The following TCF4 variants were observed in gnomAD, a reference collection of about 807,000 sequenced individuals.
The protein encoded by TCF4 is transcription factor 4, also known as SL3-3 enhancer factor 2.
Under a neutral mutation model 82.1 loss-of-function variants are expected in TCF4, and 3 were observed. The ratio of observed to expected loss-of-function variants is 0.04; its 90% CI spans 0.02 to 0.09. TCF4 has a LOEUF of 0.09. TCF4 is among the 10% of genes least tolerant of loss of function. The pLI is 1.00. For synonymous variants in TCF4, 276 were observed against 309.6 expected (o/e 0.89, Z 1.14); for missense variants, 518 against 852.7 (o/e 0.61, Z 4.89).
intron 5 of TCF4, among the ~76,000 whole-genome samples, chr18:55,436,835 GCAACAA>G (rs879510235): frequency 6.6e-6 from 1 of 152,214 alleles, no homozygotes; most frequent in Non-Finnish European, 1.5e-5. Flanking sequence ...AGACTGAACA[GCAACAA>G]CAACAACAAC....
chr18:55,389,037 A>G (rs2092842753), intron 6 of TCF4, among the ~76,000 whole-genome samples: 1 of 151,938 alleles, frequency 6.6e-6, no homozygotes, highest in Non-Finnish European at 1.5e-5. Flanking sequence ...GAGGCAGAAG[A>G]ATGGCATGAA....
intron 8 of TCF4, among the ~76,000 whole-genome samples, chr18:55,329,761 T>C (rs542793228): frequency 6.6e-6 from 1 of 152,370 alleles, no homozygotes; most frequent in African/African-American, 2.4e-5. Context: ...GGCCAAATTA[T>C]GGTGCTTACC....
chr18:55,432,282 G>A (rs573820319), intron 5 of TCF4, among the ~76,000 whole-genome samples: 124 of 152,200 alleles, frequency 8.1e-4, no homozygotes, highest in African/African-American at 2.9e-3. Flanking sequence ...CAGCCTGGGC[G>A]ACAGAGTGAG....
chr18:55,415,706 G>T (rs1343774920), intron 5 of TCF4, among the ~76,000 whole-genome samples: 2 of 152,174 alleles, frequency 1.3e-5, no homozygotes, highest in African/African-American at 2.4e-5. Flanking sequence ...TCATTAAAAA[G>T]ATTTGTACAG....
chr18:55,552,608 C>T (rs142967466), intron 3 of TCF4, among the ~76,000 whole-genome samples: 89 of 152,278 alleles, frequency 5.8e-4, no homozygotes, highest in Non-Finnish European at 1.1e-3. Context: ...ACTGTGAAAA[C>T]GCTGCAGAAA....
chr18:55,463,391 AC>A (rs1253192500), intron 4 of TCF4, among the ~76,000 whole-genome samples: 1 of 152,130 alleles, frequency 6.6e-6, no homozygotes, highest in Non-Finnish European at 1.5e-5. Flanking sequence ...TTGCTTAACC[AC>A]CCACCCAACT....
At chr18:55,392,824 TC>T (rs1233636297) in intron 6 of TCF4, among the ~76,000 whole-genome samples, 1 of 152,240 alleles carries the variant, frequency 6.6e-6, no homozygotes, top group Non-Finnish European at 1.5e-5. Flanking sequence ...CATATATGTT[TC>T]CCATATAGTG....
intron 8 of TCF4, among the ~76,000 whole-genome samples, chr18:55,341,826 T>C (rs1341418154): frequency 6.6e-6 from 1 of 152,204 alleles, no homozygotes; most frequent in Non-Finnish European, 1.5e-5. Flanking sequence ...TGGGTTATTT[T>C]ATTTTTCAAA....
intron 3 of TCF4, among the ~76,000 whole-genome samples, chr18:55,573,990 AT>A (rs1313008221): frequency 6.6e-6 from 1 of 152,228 alleles, no homozygotes; most frequent in Admixed American, 6.5e-5. Context: ...GATAAAAAAG[AT>A]AAGCATGTAT....
chr18:55,597,523 T>C (rs1395537948), intron 2 of TCF4, among the ~76,000 whole-genome samples: 1 of 151,898 alleles, frequency 6.6e-6, no homozygotes, highest in Non-Finnish European at 1.5e-5. Context: ...ACAAATTAGC[T>C]GGGTGTGGTG....
chr18:55,321,310 C>G, intron 8 of TCF4: 1 of 269,168 alleles, frequency 3.7e-6, no homozygotes, highest in Non-Finnish European at 7.3e-6. Flanking sequence ...CTCATATCTG[C>G]TTTTCCTTTC....
intron 15 of TCF4, among the ~76,000 whole-genome samples, chr18:55,240,515 A>C (rs973638249): frequency 2.6e-5 from 4 of 152,262 alleles, no homozygotes; most frequent in Non-Finnish European, 4.4e-5. Context: ...AACACCATTT[A>C]GTACAAAAGT....
rs985961295 is a variant in TCF4 at position 55,224,553 on chromosome 18, A to C, written c.*3482T>G. The C allele has an allele frequency of 6.6e-6, 1 of 152,618 alleles. No individual in the cohort carries two copies. The allele number at this position is 152,618 out of a possible 1,614,324, so 9.5% of individuals were successfully genotyped here. A position where few individuals can be genotyped will look rare whatever the true frequency, so the allele number is the denominator to read the frequency against. On this transcript the variant is annotated 3_prime_UTR_variant, in exon 20 of 20. Coordinates refer to ENST00000354452, the MANE Select transcript of TCF4 (RefSeq NM_001083962.2). ...AGATCATATTCTGCCTGTTGGATGC[A>C]AAAGATGAAAATCCTCTTAACTCCA...
At chr18:55,587,906 C>A (rs1603624896) in intron 1 of TCF4, 132 bp downstream of exon 1, 1 of 781,130 alleles carries the variant, frequency 1.3e-6, no homozygotes. Flanking sequence ...GAAGGGGTGT[C>A]TCTTCTGGGA....
intron 15 of TCF4, among the ~76,000 whole-genome samples, chr18:55,240,567 T>C (rs2050897732): frequency 6.6e-6 from 1 of 152,210 alleles, no homozygotes; most frequent in African/African-American, 2.4e-5. Context: ...CAAACTTTTT[T>C]AATGGCTCAC....
intron 6 of TCF4, among the ~76,000 whole-genome samples, chr18:55,381,060 C>T (rs2091826418): frequency 6.6e-6 from 1 of 152,142 alleles, no homozygotes; most frequent in Non-Finnish European, 1.5e-5. Flanking sequence ...TTTTAAATCA[C>T]ATGTTAATTA....
chr18:55,279,459 A>G, intron 9 of TCF4, 92 bp downstream of exon 9: 1 of 1,580,398 alleles, frequency 6.3e-7, no homozygotes, highest in Non-Finnish European at 8.6e-7. Context: ...ACACTTGCCT[A>G]CTATTCCATT....
At position 55,223,937 on chromosome 18, in the gene TCF4, A is replaced by G. The variant is rs2046246561; in HGVS notation, c.*4098T>C. Reference sequence around the variant, plus strand: ...ACAAACTTTTACTCATAATGATTCCAAAAATCTACAAAGAAGAAATATTCA... The same window carrying G: ...ACAAACTTTTACTCATAATGATTCCGAAAATCTACAAAGAAGAAATATTCA... On this transcript the variant is annotated 3_prime_UTR_variant, in exon 20 of 20. Coordinates refer to ENST00000354452, the MANE Select transcript of TCF4 (RefSeq NM_001083962.2). 6.6e-6 allele frequency: 1 copy of G among 152,206 alleles called. No homozygotes were observed. Among genetic ancestry groups the G allele is most frequent in the African/African-American group, 2.4e-5 (1 of 41,442 alleles). The allele number at this position is 152,206 out of a possible 1,614,324, so 9.4% of individuals were successfully genotyped here. A position where few individuals can be genotyped will look rare whatever the true frequency, so the allele number is the denominator to read the frequency against.
At position 55,410,986 on chromosome 18, in the gene TCF4, G is replaced by A. The variant is rs929314373; in HGVS notation, c.305-7468C>T. ...TCACTTGGCATCCTGCTTAGGAGAA[G>A]TACACACATTATCAAATTAAAGCAC... is the stretch of plus-strand genomic sequence containing the variant. On this transcript the variant is annotated intron_variant, in intron 5 of 19. Transcript: ENST00000354452. Among the ~76,000 whole-genome samples, 8 of 152,144 alleles carry A rather than the reference G, an allele frequency of 5.3e-5. No individual in the cohort carries two copies. The South Asian group carries it at 1.7e-3, about 31-fold the overall frequency.
Sources: allele counts gnomAD v4.1 joint callset (sites outside exome capture counted in the v4.1 genomes callset), GRCh38; gene constraint gnomAD v4.1.1; transcripts MANE v1.5; gene names NCBI Gene and HGNC (gene_info 2026-07-23, HGNC 2026-07-21).